Variants in STON2 observed in about 807,000 individuals in gnomAD.
STON2 encodes the protein stonin 2.
Under a neutral mutation model 65.7 loss-of-function variants are expected in STON2, and 29 were observed. The observed-to-expected ratio is 0.44, with a 90% CI of 0.33 to 0.60. The LOEUF (loss-of-function observed/expected upper bound fraction) is 0.60, where lower values mean the gene tolerates loss of function less well. Among genes scored for constraint, STON2 ranks in the 20% least tolerant of loss-of-function variants. STON2 has a pLI of 0.03. For synonymous variants in STON2, 404 were observed against 414.2 expected (o/e 0.98, Z 0.30); for missense variants, 1,054 against 1,118.1 (o/e 0.94, Z 0.82).
At chr14:81,358,897 A>G (rs779593338) in intron 4 of STON2, among the ~76,000 whole-genome samples, 8 of 152,206 alleles carry the variant, frequency 5.3e-5, no homozygotes, top group Non-Finnish European at 1.0e-4. Context: ...TAAAACAAAC[A>G]TTAAAAGATT....
chr14:81,272,763 C>T (rs768266063), intron 6 of STON2, among the ~76,000 whole-genome samples: 2 of 152,168 alleles, frequency 1.3e-5, no homozygotes, highest in African/African-American at 2.4e-5. Flanking sequence ...AATTATACAG[C>T]TATCATTTAT....
At chr14:81,289,357 A>T (rs1895465095) in intron 5 of STON2, among the ~76,000 whole-genome samples, 1 of 152,156 alleles carries the variant, frequency 6.6e-6, no homozygotes, top group Non-Finnish European at 1.5e-5. Flanking sequence ...TGCAATAGTT[A>T]GAAGACAGAA....
intron 4 of STON2, among the ~76,000 whole-genome samples, chr14:81,347,864 G>A (rs1033918328): frequency 4.4e-4 from 56 of 128,540 alleles, no homozygotes; most frequent in South Asian, 2.7e-4. Context: ...AGCTATGATC[G>A]TGCCATTGCA....
At chr14:81,407,586 T>C (rs4110459) in intron 2 of STON2, among the ~76,000 whole-genome samples, 38,068 of 152,048 alleles carry the variant, frequency 0.25, 7,271 homozygotes, top group African/African-American at 0.51. Flanking sequence ...TTTGAGACTA[T>C]TGGCAACCAC....
intron 3 of STON2, among the ~76,000 whole-genome samples, chr14:81,382,783 T>A (rs1346592263): frequency 6.6e-6 from 1 of 152,258 alleles, no homozygotes; most frequent in Non-Finnish European, 1.5e-5. Flanking sequence ...TTTCACTTAA[T>A]GGTATTTGCA....
intron 5 of STON2, among the ~76,000 whole-genome samples, chr14:81,302,163 T>C (rs1206909125): frequency 6.6e-6 from 1 of 152,208 alleles, no homozygotes; most frequent in Non-Finnish European, 1.5e-5. Flanking sequence ...AGAACAGCAT[T>C]TGTAAGCATG....
At chr14:81,324,911 C>T (rs934542824) in intron 4 of STON2, among the ~76,000 whole-genome samples, 2 of 152,124 alleles carry the variant, frequency 1.3e-5, no homozygotes, top group Admixed American at 1.3e-4. Context: ...GAGCGGAGGG[C>T]GACGGAACAG....
chr14:81,432,783 G>T (rs947601118), intron 1 of STON2, among the ~76,000 whole-genome samples: 1 of 152,230 alleles, frequency 6.6e-6, no homozygotes, highest in Non-Finnish European at 1.5e-5. Flanking sequence ...TAGAGACTCA[G>T]CTACTCTTAC....
At chr14:81,316,944 C>G (rs907343324) in intron 5 of STON2, among the ~76,000 whole-genome samples, 2 of 152,012 alleles carry the variant, frequency 1.3e-5, no homozygotes, top group Non-Finnish European at 2.9e-5. Flanking sequence ...GGCGTGAACC[C>G]GCGAGGCAGA....
intron 4 of STON2, among the ~76,000 whole-genome samples, chr14:81,363,751 G>T (rs1007802553): frequency 6.6e-6 from 1 of 152,142 alleles, no homozygotes; most frequent in African/African-American, 2.4e-5. Flanking sequence ...ACTTGTTTCT[G>T]TTATCCAAGC....
intron 5 of STON2, among the ~76,000 whole-genome samples, chr14:81,282,909 C>A (rs1329593196): frequency 1.3e-5 from 2 of 152,134 alleles, no homozygotes; most frequent in South Asian, 4.1e-4. Flanking sequence ...AAGAAATAGG[C>A]AAAAACCAAG....
At chr14:81,361,096 C>A (rs1315163421) in intron 4 of STON2, among the ~76,000 whole-genome samples, 2 of 152,030 alleles carry the variant, frequency 1.3e-5, no homozygotes, top group African/African-American at 4.8e-5. Flanking sequence ...TCAATGCAAT[C>A]CCTATCAAAA....
At chr14:81,306,569 T>C (rs1285415827) in intron 5 of STON2, 1 of 152,124 alleles carries the variant, frequency 6.6e-6, no homozygotes, top group Non-Finnish European at 1.5e-5. Context: ...TCTATTTTAA[T>C]ATATGGCACT....
chr14:81,280,781 C>T (rs770322630), intron 5 of STON2, among the ~76,000 whole-genome samples: 1 of 152,220 alleles, frequency 6.6e-6, no homozygotes, highest in African/African-American at 2.4e-5. Flanking sequence ...GAGGCCGGGA[C>T]GGGCAGATCA....
rs1900288746 is a variant in STON2 at position 81,395,890 on chromosome 14, T to C, written c.373+4A>G. ...CCCAAGCCGGGCCCTTCCTACCTCC[T>C]CACCTGTCTCAGCTGTTTCCTGATG... On this transcript the variant is annotated splice_donor_region_variant and intron_variant, in intron 3 of 7. Transcript: ENST00000614646. 10 of 1,613,842 alleles carry C rather than the reference T, an allele frequency of 6.2e-6. No homozygotes were observed. Among genetic ancestry groups the C allele is most frequent in the Non-Finnish European group, 7.6e-6 (9 of 1,179,924 alleles).
chr14:81,313,514 GGCA>G, intron 5 of STON2, among the ~76,000 whole-genome samples: 3 of 151,206 alleles, frequency 2.0e-5, no homozygotes, highest in African/African-American at 4.9e-5. Flanking sequence ...AGCCAGGCCA[GGCA>G]GGCGTGGTGG....
chr14:81,264,909 T>C lies in STON2; in HGVS notation c.*3505A>G, dbSNP rs764809021. On this transcript the variant is annotated 3_prime_UTR_variant, in exon 8 of 8. Coordinates refer to ENST00000614646, the MANE Select transcript of STON2 (RefSeq NM_001394390.1). ...TCTGACATGTCATGAGTACATTTCT[T>C]ATCTTTTTGCTGTAAAGTCAAAAAG... is the stretch of plus-strand genomic sequence containing the variant. The C allele has an allele frequency of 5.4e-5, 53 of 985,312 alleles. No homozygotes were observed. Among genetic ancestry groups the C allele is most frequent in the Non-Finnish European group, 5.9e-5 (49 of 829,942 alleles). 61.0% of individuals were successfully genotyped at this position (985,312 alleles called of 1,614,324 possible). A position where few individuals can be genotyped will look rare whatever the true frequency, so the allele number is the denominator to read the frequency against.
intron 2 of STON2, among the ~76,000 whole-genome samples, chr14:81,406,635 G>A (rs1900876111): frequency 6.6e-6 from 1 of 152,156 alleles, no homozygotes; most frequent in Non-Finnish European, 1.5e-5. Context: ...CTAAGACACA[G>A]GCTTTCCATA....
At chr14:81,424,333 A>T (rs1901859854) in intron 2 of STON2, among the ~76,000 whole-genome samples, 1 of 152,098 alleles carries the variant, frequency 6.6e-6, no homozygotes, top group Non-Finnish European at 1.5e-5. Flanking sequence ...AACCCCAGCT[A>T]CTTGGGAGGC....
Sources: gnomAD v4.1 joint callset for allele counts (sites outside exome capture counted in the v4.1 genomes callset) on GRCh38, gnomAD v4.1.1 for gene constraint, MANE v1.5 for transcripts, NCBI Gene and HGNC (gene_info 2026-07-23, HGNC 2026-07-21) for gene names.